MAST4: variants seen among roughly 807,000 people sequenced by gnomAD.
MAST4 encodes the protein microtubule associated serine/threonine kinase family member 4.
MAST4 carries 89 observed loss-of-function variants against 162.7 expected under a neutral mutation model. The observed-to-expected ratio is 0.55, with a 90% CI of 0.46 to 0.65. MAST4 has a LOEUF of 0.65. Ranked by LOEUF, MAST4 falls within the 30% of genes least tolerant of loss-of-function variation. The probability of loss-of-function intolerance (pLI) is 0.00; values close to 1 mark genes in which losing one functional copy is unlikely to be tolerated. For missense variants in MAST4, 3,153 were observed against 3,374.0 expected (o/e 0.93, Z 1.62); for synonymous variants, 1,479 against 1,361.1 (o/e 1.09, Z -1.91).
At chr5:66,997,605 G>A (rs1750816262) in intron 4 of MAST4, among the ~76,000 whole-genome samples, 1 of 151,738 alleles carries the variant, frequency 6.6e-6, no homozygotes, top group Non-Finnish European at 1.5e-5. Flanking sequence ...CTAATTTTTT[G>A]TATTTTTAGT....
At chr5:66,632,875 A>T (rs1391601197) in intron 1 of MAST4, among the ~76,000 whole-genome samples, 1 of 152,272 alleles carries the variant, frequency 6.6e-6, no homozygotes, top group East Asian at 1.9e-4. Context: ...ACATATAAAT[A>T]GAATGATAAA....
At chr5:66,782,254 A>G (rs971844853) in intron 2 of MAST4, among the ~76,000 whole-genome samples, 27 of 150,446 alleles carry the variant, frequency 1.8e-4, no homozygotes, top group African/African-American at 5.9e-4. Flanking sequence ...ATGCCACTGC[A>G]CTCCAGCCTG....
chr5:67,040,742 G>T (rs1756647978), intron 4 of MAST4, among the ~76,000 whole-genome samples: 1 of 152,196 alleles, frequency 6.6e-6, no homozygotes, highest in East Asian at 1.9e-4. Context: ...TGATTTCTAT[G>T]TATGACCAGA....
chr5:67,054,730 T>A (rs57705694), intron 5 of MAST4, among the ~76,000 whole-genome samples: 2 of 152,208 alleles, frequency 1.3e-5, no homozygotes, highest in Non-Finnish European at 2.9e-5. Flanking sequence ...ATTATTTCTT[T>A]CTCCATTTCT....
chr5:66,769,214 G>T (rs1754250681), intron 2 of MAST4, among the ~76,000 whole-genome samples: 1 of 152,158 alleles, frequency 6.6e-6, no homozygotes, highest in Non-Finnish European at 1.5e-5. Flanking sequence ...CTGGTCAAGG[G>T]TCATTCATAA....
intron 3 of MAST4, among the ~76,000 whole-genome samples, chr5:66,843,031 CT>C (rs1419762684): frequency 6.6e-6 from 1 of 152,182 alleles, no homozygotes; most frequent in Non-Finnish European, 1.5e-5. Flanking sequence ...CTCCGTGTGT[CT>C]GTATATATAC....
At chr5:67,026,224 C>T (rs2662227) in intron 4 of MAST4, among the ~76,000 whole-genome samples, 72,595 of 152,002 alleles carry the variant, frequency 0.48, 18,977 homozygotes, top group African/African-American at 0.69. Context: ...ACATTTCTTC[C>T]CATTACCTAT....
chr5:67,139,499 T>A (rs1406967719), intron 19 of MAST4, among the ~76,000 whole-genome samples: 2 of 152,226 alleles, frequency 1.3e-5, no homozygotes, highest in South Asian at 2.1e-4. Flanking sequence ...TGCTCAGATG[T>A]CACTGCTACC....
Position 67,165,166 on chromosome 5 carries a change from C to T in MAST4, c.5987C>T (p.Pro1996Leu), listed in dbSNP as rs1187803955. Reference sequence around the variant, plus strand: ...GCGAGGGCTGACACATGCAGAGAGCCCTCCATGGAACTGTGCTTTCCAGAA... The same window carrying T: ...GCGAGGGCTGACACATGCAGAGAGCTCTCCATGGAACTGTGCTTTCCAGAA... ...SAARADTCRE[P>L]SMELCFPETA... The change falls in exon 29 of 29, where the codon CCC becomes CTC. Residue 1996 changes from proline to leucine, a missense_variant. This residue lies in a region of MAST4 where 1,644 missense variants were observed against 1,495.0 expected (regional missense o/e 1.10). Coordinates refer to ENST00000403625, the MANE Select transcript of MAST4 (RefSeq NM_001164664.2). 1.9e-6 allele frequency: 3 copies of T among 1,601,574 alleles called. No individual in the cohort carries two copies. Among genetic ancestry groups the T allele is most frequent in the Non-Finnish European group, 2.6e-6 (3 of 1,173,886 alleles).
chr5:66,607,468 A>G (rs1449888114), intron 1 of MAST4, among the ~76,000 whole-genome samples: 1 of 152,206 alleles, frequency 6.6e-6, no homozygotes, highest in African/African-American at 2.4e-5. Context: ...TTGGTTATTC[A>G]TTAAAATTAT....
chr5:66,992,676 G>A (rs890039679), intron 4 of MAST4, among the ~76,000 whole-genome samples: 1 of 152,226 alleles, frequency 6.6e-6, no homozygotes, highest in Admixed American at 6.5e-5. Flanking sequence ...GGAACGGGCA[G>A]TTGTGAAAGA....
chr5:66,863,962 A>G (rs464047), intron 3 of MAST4, among the ~76,000 whole-genome samples: 82,742 of 151,332 alleles, frequency 0.55, 23,617 homozygotes, highest in Non-Finnish European at 0.64. Flanking sequence ...TGAGAGTTCA[A>G]TGTGTGTTTT....
At chr5:67,101,544 G>A (rs2150855634) in intron 8 of MAST4, among the ~76,000 whole-genome samples, 1 of 152,256 alleles carries the variant, frequency 6.6e-6, no homozygotes, top group Non-Finnish European at 1.5e-5. Flanking sequence ...TGCAGTATGA[G>A]ATCTTTATGC....
chr5:67,072,243 T>C (rs1394991349), intron 5 of MAST4, among the ~76,000 whole-genome samples: 1 of 152,364 alleles, frequency 6.6e-6, no homozygotes, highest in African/African-American at 2.4e-5. Context: ...TGTGAATTTT[T>C]GGGATTCTAA....
chr5:66,901,873 T>A (rs1384195189), intron 4 of MAST4, among the ~76,000 whole-genome samples: 1 of 152,152 alleles, frequency 6.6e-6, no homozygotes, highest in Non-Finnish European at 1.5e-5. Flanking sequence ...CTGTACAGAA[T>A]GCCAGTAATT....
chr5:67,092,334 T>TC (rs1251231041), intron 6 of MAST4, among the ~76,000 whole-genome samples: 6 of 152,200 alleles, frequency 3.9e-5, no homozygotes, highest in Non-Finnish European at 8.8e-5. Context: ...AACAAAATAG[T>TC]CCAAGTATAG....
At chr5:66,927,971 C>G (rs533154387) in intron 4 of MAST4, among the ~76,000 whole-genome samples, 1 of 152,146 alleles carries the variant, frequency 6.6e-6, no homozygotes, top group Non-Finnish European at 1.5e-5. Context: ...CTGCTTTTAT[C>G]TTTACATGAC....
intron 4 of MAST4, among the ~76,000 whole-genome samples, chr5:66,916,827 TTATAGA>T (rs1379279094): frequency 3.3e-5 from 5 of 152,192 alleles, no homozygotes; most frequent in African/African-American, 1.2e-4. Context: ...ATGTTCTACA[TTATAGA>T]TATACCACAT....
intron 3 of MAST4, among the ~76,000 whole-genome samples, chr5:66,874,128 G>A (rs1170326249): frequency 6.6e-6 from 1 of 152,130 alleles, no homozygotes; most frequent in East Asian, 1.9e-4. Flanking sequence ...CCTCTGATTG[G>A]CTAAGCTTGT....
Sources: gnomAD v4.1 joint callset for allele counts (sites outside exome capture counted in the v4.1 genomes callset) on GRCh38, gnomAD v4.1.1 for gene constraint, gnomAD v4.1.1 regional missense constraint, MANE v1.5 for transcripts, NCBI Gene and HGNC (gene_info 2026-07-23, HGNC 2026-07-21) for gene names.